RPTOR: variants seen among roughly 807,000 people sequenced by gnomAD.
RPTOR encodes regulatory-associated protein of mTOR.
Under a neutral mutation model 169.9 loss-of-function variants are expected in RPTOR, and 21 were observed. The ratio of observed to expected loss-of-function variants is 0.12; its 90% CI spans 0.09 to 0.18. The LOEUF is 0.18. Ranked by LOEUF, RPTOR falls within the 10% of genes least tolerant of loss-of-function variation. RPTOR has a pLI of 1.00. For synonymous variants in RPTOR, 732 were observed against 753.2 expected (o/e 0.97, Z 0.46); for missense variants, 1,133 against 1,855.9 (o/e 0.61, Z 7.16).
chr17:80,563,832 G>A (rs1029015026), intron 1 of RPTOR, among the ~76,000 whole-genome samples: 2 of 152,050 alleles, frequency 1.3e-5, no homozygotes, highest in Admixed American at 6.6e-5. Flanking sequence ...GCCCCCAGTC[G>A]TGCCCACCCC....
At position 80,922,759 on chromosome 17, in the gene RPTOR, C is replaced by T; in HGVS notation, c.2556C>T (p.Asp852=). 6.3e-7 allele frequency: 1 copy of T among 1,588,338 alleles called. No individual in the cohort carries two copies. The highest frequency in any genetic ancestry group is 8.5e-7 in the Non-Finnish European group (1 of 1,171,562). ...TVNARPQRVL[D]TSSLTQSAPA... is the part of the protein sequence containing the mutation. ...ACGCCCGGCCGCAGCGCGTCCTGGA[C>T]ACCTCCTCCCTCACGCAGTCGGCCC... The change falls in exon 22 of 34, where the codon GAC becomes GAT. Residue 852 remains aspartate, a synonymous_variant. Coordinates refer to ENST00000306801, the MANE Select transcript of RPTOR (RefSeq NM_020761.3).
intron 4 of RPTOR, among the ~76,000 whole-genome samples, chr17:80,719,026 C>A (rs539644323): frequency 6.6e-6 from 1 of 152,158 alleles, no homozygotes; most frequent in East Asian, 1.9e-4. Context: ...GAGACCTGGA[C>A]TGTGACCAGG....
In RPTOR at chr17:80,753,991, C is replaced by T. The variant is rs186115559; in HGVS notation, c.655-19C>T. 71 of 1,604,222 alleles carry T rather than the reference C, an allele frequency of 4.4e-5. No individual in the cohort carries two copies. In the African/African-American group the frequency reaches 7.9e-4, roughly 18 times the overall value. On this transcript the variant is annotated intron_variant, in intron 5 of 33. Coordinates refer to ENST00000306801, the MANE Select transcript of RPTOR (RefSeq NM_020761.3). ...GCAGCTAAATCACACTCTCTTTTCC[C>T]GAATGTTCTGCCCTTCAGGTAGCTG...
chr17:80,742,743 C>G (rs2066496416), intron 5 of RPTOR, among the ~76,000 whole-genome samples: 1 of 152,050 alleles, frequency 6.6e-6, no homozygotes, highest in African/African-American at 2.4e-5. Context: ...CATGTGCGCA[C>G]ACATACATGC....
At position 80,545,319 on chromosome 17, in the gene RPTOR, C is replaced by T. The variant is rs532218411; in HGVS notation, c.-311C>T. On this transcript the variant is annotated 5_prime_UTR_variant, in exon 1 of 34. Coordinates refer to ENST00000306801, the MANE Select transcript of RPTOR (RefSeq NM_020761.3). ...AGTCTCTTACGCTTTTGGCAGCTCCCCTCGCAGCCCCTCTGGAAACGTACA... is the reference window on the plus strand; with the variant it reads ...AGTCTCTTACGCTTTTGGCAGCTCCTCTCGCAGCCCCTCTGGAAACGTACA... 8.0e-5 allele frequency: 22 copies of T among 275,272 alleles called. No individual in the cohort carries two copies. The East Asian group carries it at 1.1e-3, about 14-fold the overall frequency. The allele number at this position is 275,272 out of a possible 1,614,324, so 17.1% of individuals were successfully genotyped here.
intron 1 of RPTOR, among the ~76,000 whole-genome samples, chr17:80,588,510 A>G (rs1419465599): frequency 6.6e-6 from 1 of 152,150 alleles, no homozygotes; most frequent in Non-Finnish European, 1.5e-5. Context: ...TATCTCGGCT[A>G]TTGTGAACCA....
chr17:80,708,761 C>T lies in RPTOR; in HGVS notation c.507+762C>T, dbSNP rs929462705. 1.2e-4 allele frequency: 22 copies of T among 188,862 alleles called. No individual in the cohort carries two copies. The highest frequency in any genetic ancestry group is 1.8e-4 in the Non-Finnish European group (18 of 101,754). The allele number at this position is 188,862 out of a possible 1,614,324, so 11.7% of individuals were successfully genotyped here. On this transcript the variant is annotated intron_variant, in intron 4 of 33. Transcript: ENST00000306801. This position sits in a 1 kb window ranked among gnomAD's most constrained non-coding sequence, Gnocchi z 4.2. ...GAGCAGCCAGCTATGGGTCTCACTGCGCTCTGCGTGATGCATGAAAAGCAG... is the reference window on the plus strand; with the variant it reads ...GAGCAGCCAGCTATGGGTCTCACTGTGCTCTGCGTGATGCATGAAAAGCAG...
intron 2 of RPTOR, among the ~76,000 whole-genome samples, chr17:80,640,427 C>T: frequency 6.6e-6 from 1 of 152,242 alleles, no homozygotes; most frequent in East Asian, 1.9e-4. Flanking sequence ...GTCTCTTCCT[C>T]TGCTTCTCAT....
At chr17:80,758,637 G>A (rs1390963787) in intron 6 of RPTOR, among the ~76,000 whole-genome samples, 2 of 152,060 alleles carry the variant, frequency 1.3e-5, no homozygotes, top group Admixed American at 6.5e-5. Context: ...TTCTGTAGAC[G>A]CACAGTGGAC....
rs2065700810 is a variant in RPTOR at position 80,659,043 on chromosome 17, C to G, written c.348+15233C>G. 6.6e-6 allele frequency among the ~76,000 whole-genome samples: 1 copy of G among 152,170 alleles called. No individual in the cohort carries two copies. The highest frequency in any genetic ancestry group is 1.9e-4 in the East Asian group (1 of 5,188). On this transcript the variant is annotated intron_variant, in intron 3 of 33. Coordinates refer to ENST00000306801, the MANE Select transcript of RPTOR (RefSeq NM_020761.3). This position sits in a 1 kb window ranked among gnomAD's most constrained non-coding sequence, Gnocchi z 4.3. ...GTGTGGACTTGAGGGCATGACTAGA[C>G]AGAGGCCAGTATTTGTGCCGAGAGC...
intron 20 of RPTOR, among the ~76,000 whole-genome samples, chr17:80,906,386 C>T (rs2068543268): frequency 6.6e-6 from 1 of 152,182 alleles, no homozygotes; most frequent in Non-Finnish European, 1.5e-5. Flanking sequence ...CAGAGCTGTG[C>T]AATCTGAGAG....
intron 13 of RPTOR, among the ~76,000 whole-genome samples, chr17:80,867,037 A>G (rs568727483): frequency 3.9e-5 from 6 of 152,208 alleles, no homozygotes; most frequent in African/African-American, 9.6e-5. Flanking sequence ...ACCTGATACC[A>G]AAGGTTAGAC....
rs146910847 is a variant in RPTOR, at chr17:80,892,828, G to C, written c.2201G>C (p.Ser734Thr). The C allele has an allele frequency of 7.4e-6, 12 of 1,614,114 alleles. No homozygotes were observed. The highest frequency in any genetic ancestry group is 1.0e-5 in the Non-Finnish European group (12 of 1,180,046). ...ATCCGTGCTGTCGCCACAGCCAGGA[G>C]CCTCAACAAATCTTTGCAGAACCTG... ...GNIRAVATAR[S>T]LNKSLQNLSL... The change falls in exon 19 of 34, where the codon AGC (serine) becomes ACC (threonine). Residue 734 changes from serine to threonine, a missense_variant. Physicochemically the swap from Ser to Thr is moderately conservative, Grantham distance 58 (BLOSUM62 1). Coordinates refer to ENST00000306801, the MANE Select transcript of RPTOR (RefSeq NM_020761.3).
At chr17:80,680,096 C>T (rs1165822128) in intron 3 of RPTOR, among the ~76,000 whole-genome samples, 1 of 152,204 alleles carries the variant, frequency 6.6e-6, no homozygotes, top group Non-Finnish European at 1.5e-5. Context: ...TCCTCTTGCC[C>T]TCCTCAGCCT....
intron 2 of RPTOR, among the ~76,000 whole-genome samples, chr17:80,638,145 A>G (rs978511947): frequency 1.3e-5 from 2 of 152,266 alleles, no homozygotes; most frequent in African/African-American, 4.8e-5. Context: ...CTGGAAGGCC[A>G]GAGAATGCTG....
rs145705160 is a variant in RPTOR at position 80,871,486 on chromosome 17, G to A, written c.1510-8929G>A. 2.6e-3 allele frequency among the ~76,000 whole-genome samples: 389 copies of A among 152,290 alleles called. 1 individual carries two copies. Among genetic ancestry groups the A allele is most frequent in the African/African-American group, 8.9e-3 (369 of 41,548 alleles). On this transcript the variant is annotated intron_variant, in intron 13 of 33. Coordinates refer to ENST00000306801, the MANE Select transcript of RPTOR (RefSeq NM_020761.3). ...GTTGGAATGGCAGATCCCTGGTGGC[G>A]CTGGCCTGGGTCCCTGGCTGAGGTG...
At chr17:80,676,865 C>A (rs1418535579) in intron 3 of RPTOR, among the ~76,000 whole-genome samples, 3 of 152,190 alleles carry the variant, frequency 2.0e-5, no homozygotes, top group Non-Finnish European at 2.9e-5. Flanking sequence ...ACCAGGCATC[C>A]TGATTTGCAG....
intron 1 of RPTOR, among the ~76,000 whole-genome samples, chr17:80,553,918 T>G (rs1040643761): frequency 2.0e-5 from 3 of 152,018 alleles, no homozygotes; most frequent in Non-Finnish European, 4.4e-5. Flanking sequence ...ATTTTCATAT[T>G]TTTAGTAGAG....
rs2068774125 is a variant in RPTOR, at chr17:80,923,597, C to T, written c.2732C>T (p.Pro911Leu). The T allele has an allele frequency of 3.7e-6, 6 of 1,613,134 alleles. No homozygotes were observed. Among genetic ancestry groups the T allele is most frequent in the Non-Finnish European group, 4.2e-6 (5 of 1,179,928 alleles). ...TCTGGCCGGCCGGGCACCACAGGCC[C>T]CGCTGGGGCGCAGTACACCCCTCAC... Reference protein sequence around the residue: ...LPSGRPGTTGPAGAQYTPHSH... With the variant: ...LPSGRPGTTGLAGAQYTPHSH... The change falls in exon 23 of 34, where the codon CCC (proline) becomes CTC (leucine). Residue 911 changes from proline (P) to leucine (L), a missense_variant. Transcript: ENST00000306801.
Sources: allele counts gnomAD v4.1 joint callset (sites outside exome capture counted in the v4.1 genomes callset), GRCh38; gene constraint gnomAD v4.1.1; non-coding constraint Gnocchi (gnomAD v3.1); transcripts MANE v1.5; gene names NCBI Gene and HGNC (gene_info 2026-07-23, HGNC 2026-07-21).